DNAH10: variants seen among roughly 807,000 people sequenced by gnomAD.
DNAH10 encodes dynein axonemal heavy chain 10.
In DNAH10, 348 loss-of-function variants were observed where a neutral mutation model predicts 506.6. The observed-to-expected ratio is 0.69, with a 90% CI of 0.63 to 0.75. DNAH10 has a LOEUF of 0.75. Ranked by LOEUF, DNAH10 falls within the 30% of genes least tolerant of loss-of-function variation. DNAH10 has a pLI of 0.00. For missense variants in DNAH10, 5,179 were observed against 5,787.1 expected (o/e 0.89, Z 3.41); for synonymous variants, 2,059 against 2,198.6 (o/e 0.94, Z 1.78).
intron 21 of DNAH10, among the ~76,000 whole-genome samples, chr12:123,817,362 A>T (rs766780651): frequency 4.6e-5 from 7 of 151,920 alleles, no homozygotes; most frequent in Non-Finnish European, 7.4e-5. Flanking sequence ...AATACCCTGT[A>T]CATCTTACAT....
chr12:123,835,457 G>A lies in DNAH10; in HGVS notation c.4831G>A (p.Gly1611Ser), dbSNP rs1322331518. The A allele has an allele frequency of 1.2e-6, 2 of 1,609,020 alleles. No homozygotes were observed. Among genetic ancestry groups the A allele is most frequent in the Admixed American group, 1.7e-5 (1 of 59,214 alleles). The change falls in exon 28 of 79, where the codon GGT (glycine) becomes AGT (serine). Residue 1611 changes from glycine to serine, a missense_variant. Physicochemically the swap from Gly to Ser is moderately conservative, Grantham distance 56 (BLOSUM62 0). Around this residue, in one of 3 missense-constraint regions of DNAH10, gnomAD observed 4,844 missense variants for 5,430.5 expected, o/e 0.89. Coordinates refer to ENST00000673944, the MANE Select transcript of DNAH10 (RefSeq NM_001372106.1). ...GATGTATCTTGAAAGTATTTTTATT[G>A]GTGGAGATATAAGATCACAACTTCC... ...KWMYLESIFI[G>S]GDIRSQLPEE...
At chr12:123,765,563 T>TA (rs372180959) in intron 1 of DNAH10, among the ~76,000 whole-genome samples, 17,354 of 126,874 alleles carry the variant, frequency 0.14, 2,054 homozygotes, top group African/African-American at 0.36. Flanking sequence ...CTATCTATAC[T>TA]TTATCTATCT....
intron 28 of DNAH10, among the ~76,000 whole-genome samples, chr12:123,836,788 G>A (rs1961173106): frequency 6.6e-6 from 1 of 152,050 alleles, no homozygotes; most frequent in African/African-American, 2.4e-5. Flanking sequence ...GGGAGGCCGA[G>A]GTGGGCGATC....
chr12:123,889,506 C>G (rs534740047), intron 52 of DNAH10, among the ~76,000 whole-genome samples: 2 of 152,062 alleles, frequency 1.3e-5, no homozygotes, highest in African/African-American at 4.8e-5. Context: ...TACATTTCAG[C>G]GTGTGAGTGG....
At chr12:123,924,586 C>A (rs1216746488) in intron 67 of DNAH10, among the ~76,000 whole-genome samples, 154 bp downstream of exon 67, 2 of 152,156 alleles carry the variant, frequency 1.3e-5, no homozygotes, top group Non-Finnish European at 2.9e-5. Flanking sequence ...TGGAATTCTC[C>A]TTTGGCTAAT....
At position 123,909,286 on chromosome 12, in the gene DNAH10, G is replaced by T; in HGVS notation, c.9841G>T (p.Val3281Leu). Reference sequence around the variant, plus strand: ...GTCGTTTGCTAAGCCCCCGAAGCAGGTGCAGACGGTCTGCGAATGCATCCT... The same window carrying T: ...GTCGTTTGCTAAGCCCCCGAAGCAGTTGCAGACGGTCTGCGAATGCATCCT... ...IRSFAKPPKQ[V>L]QTVCECILIM... is the part of the protein sequence containing the mutation. Residue 3281 changes from valine to leucine, a missense_variant, in exon 58 of 79, where the codon GTG becomes TTG. By Grantham distance (32) the Val-to-Leu change is conservative. This residue lies in a region of DNAH10 where 4,844 missense variants were observed against 5,430.5 expected (regional missense o/e 0.89). Transcript: ENST00000673944. This position sits in a 1 kb window ranked among gnomAD's most constrained non-coding sequence, Gnocchi z 5.4. The T allele has an allele frequency of 6.2e-7, 1 of 1,613,512 alleles. No homozygotes were observed. Among genetic ancestry groups the T allele is most frequent in the East Asian group, 2.2e-5 (1 of 44,886 alleles).
chr12:123,838,866 G>A lies in DNAH10; in HGVS notation c.5136+177G>A, dbSNP rs191689818. Among the ~76,000 whole-genome samples, 30 of 152,278 alleles carry A rather than the reference G, an allele frequency of 2.0e-4. No individual in the cohort carries two copies. In the East Asian group the frequency reaches 4.2e-3, roughly 22 times the overall value. ...CTGGCTCTGTTGCCCAGGCTGGAGC[G>A]CAGTGGTACAATCATGGCTCATTGC... is the stretch of plus-strand genomic sequence containing the variant. On this transcript the variant is annotated intron_variant, in intron 29 of 78. Transcript: ENST00000673944.
At chr12:123,782,007 G>A (rs901243909) in intron 6 of DNAH10, among the ~76,000 whole-genome samples, 3 of 152,008 alleles carry the variant, frequency 2.0e-5, no homozygotes, top group Non-Finnish European at 4.4e-5. Context: ...TCATCTTGAC[G>A]TTTTCCTCCA....
At chr12:123,812,073 C>T (rs767368012) in intron 19 of DNAH10, among the ~76,000 whole-genome samples, 1 of 152,182 alleles carries the variant, frequency 6.6e-6, no homozygotes, top group Non-Finnish European at 1.5e-5. Flanking sequence ...AGTTGTTATT[C>T]ACATTTTACA....
At chr12:123,772,758 G>A in intron 3 of DNAH10, 76 bp from the exon 4 acceptor site, 3 of 1,083,104 alleles carry the variant, frequency 2.8e-6, no homozygotes, top group South Asian at 1.5e-5. Context: ...GAGAGCTTAG[G>A]TGTACTTGAA....
intron 57 of DNAH10, chr12:123,908,411 T>C (rs1254778368): frequency 2.2e-6 from 1 of 456,224 alleles, no homozygotes; most frequent in East Asian, 7.0e-5. Flanking sequence ...CTCCGGGACC[T>C]CTGTCTCCTG....
At chr12:123,930,236 T>G in intron 72 of DNAH10, 166 bp from the exon 73 acceptor site, 1 of 618,298 alleles carries the variant, frequency 1.6e-6, no homozygotes, top group Non-Finnish European at 2.6e-6. Flanking sequence ...ACAGATCAAT[T>G]GTGTGAACAG....
At chr12:123,911,042 CA>C (rs1005175072) in intron 59 of DNAH10, among the ~76,000 whole-genome samples, 5 of 148,326 alleles carry the variant, frequency 3.4e-5, no homozygotes, top group Admixed American at 6.7e-5. Context: ...CCTGTCTCTA[CA>C]AAAAAAAAGT....
chr12:123,929,312 T>G lies in DNAH10; in HGVS notation c.12344T>G (p.Met4115Arg). ...CCACCCAATGGGCTGAAACTCAACA[T>G]GAGGGCAACTTACTTCAAGATCTCT... ...TEPPNGLKLN[M>R]RATYFKISHE... is the part of the protein sequence containing the mutation. Residue 4115 changes from methionine (M) to arginine (R), a missense_variant, in exon 71 of 79, where the codon ATG becomes AGG. By Grantham distance (91) the Met-to-Arg change is moderately conservative. Transcript: ENST00000673944. 6.2e-7 allele frequency: 1 copy of G among 1,604,834 alleles called. No homozygotes were observed. Among genetic ancestry groups the G allele is most frequent in the East Asian group, 2.2e-5 (1 of 44,582 alleles).
chr12:123,917,446 C>G lies in DNAH10; in HGVS notation c.11003-138C>G, dbSNP rs148116879. Reference sequence around the variant, plus strand: ...CTGCCACCTTGCTGCTCTAGAGTGACTTTGGTGGGCAGTGAATCCTCGTGC... The same window carrying G: ...CTGCCACCTTGCTGCTCTAGAGTGAGTTTGGTGGGCAGTGAATCCTCGTGC... On this transcript the variant is annotated intron_variant, in intron 63 of 78. Transcript: ENST00000673944. The surrounding 1 kb of genome is among the most constrained non-coding windows in gnomAD (Gnocchi z 5.6). The G allele has an allele frequency of 7.5e-6, 6 of 805,258 alleles. No homozygotes were observed. The highest frequency in any genetic ancestry group is 1.2e-5 in the Non-Finnish European group (6 of 510,980). 49.9% of individuals were successfully genotyped at this position (805,258 alleles called of 1,614,324 possible). A position where few individuals can be genotyped will look rare whatever the true frequency, so the allele number is the denominator to read the frequency against.
chr12:123,782,436 G>A (rs1225511144), intron 6 of DNAH10, among the ~76,000 whole-genome samples: 1 of 127,590 alleles, frequency 7.8e-6, no homozygotes, highest in Non-Finnish European at 1.6e-5. Context: ...TTTTGACAAG[G>A]TCTCACTCTG....
chr12:123,808,757 G>A, intron 18 of DNAH10, 40 bp from the exon 19 acceptor site: 1 of 1,606,790 alleles, frequency 6.2e-7, no homozygotes, highest in Non-Finnish European at 8.5e-7. Flanking sequence ...TTTCACTCTA[G>A]TGAGATACAC....
In DNAH10 at chr12:123,916,526, C is replaced by T. The variant is rs201359595; in HGVS notation, c.10792C>T (p.Leu3598=). ...GTCCATAAAGTACGGGACCCCTTTC[C>T]TGTTCCGCGATGTTGATGAATACAT... ...EMSIKYGTPF[L]FRDVDEYIDP... The change falls in exon 63 of 79, where the codon CTG becomes TTG. Residue 3598 remains leucine, a synonymous_variant. Transcript: ENST00000673944. The surrounding 1 kb of genome is among the most constrained non-coding windows in gnomAD (Gnocchi z 4.6). The T allele has an allele frequency of 1.1e-4, 180 of 1,613,908 alleles. No homozygotes were observed. In the East Asian group the frequency reaches 3.2e-3, roughly 29 times the overall value.
rs889577446 is a variant in DNAH10, at chr12:123,850,283, C to T, written c.6103-605C>T. ...CGGACTCAACCTTCAGCTAAAAAGGCTAAGAATATAGGGATTTCCGTGGTT... is the reference window on the plus strand; with the variant it reads ...CGGACTCAACCTTCAGCTAAAAAGGTTAAGAATATAGGGATTTCCGTGGTT... On this transcript the variant is annotated intron_variant, in intron 34 of 78. Transcript: ENST00000673944. The surrounding 1 kb of genome is among the most constrained non-coding windows in gnomAD (Gnocchi z 5.5). Among the ~76,000 whole-genome samples the T allele has an allele frequency of 1.3e-5, 2 of 151,812 alleles. No individual in the cohort carries two copies. The highest frequency in any genetic ancestry group is 2.9e-5 in the Non-Finnish European group (2 of 67,972).
Sources: gnomAD v4.1 joint callset for allele counts (sites outside exome capture counted in the v4.1 genomes callset) on GRCh38, gnomAD v4.1.1 for gene constraint, gnomAD v4.1.1 regional missense constraint, Gnocchi (gnomAD v3.1) non-coding constraint, MANE v1.5 for transcripts, NCBI Gene and HGNC (gene_info 2026-07-23, HGNC 2026-07-21) for gene names.